The following KLC3 variants were observed in gnomAD, a reference collection of about 807,000 sequenced individuals.
KLC3 encodes the protein kinesin light chain 2.
KLC3 carries 72 observed loss-of-function variants against 62.9 expected under a neutral mutation model. The observed-to-expected ratio is 1.15, with a 90% CI of 0.95 to 1.39. The LOEUF (loss-of-function observed/expected upper bound fraction) is 1.39. Ranked by LOEUF, KLC3 falls within the 40% of genes most tolerant of loss-of-function variation. The probability of loss-of-function intolerance (pLI) is 0.00; values close to 1 mark genes in which losing one functional copy is unlikely to be tolerated. For missense variants in KLC3, 848 were observed against 691.6 expected, an observed-to-expected ratio of 1.23 and a Z score of -2.54; for synonymous variants, 377 against 300.5, an observed-to-expected ratio of 1.25 and a Z score of -2.63.
rs755255316 is a variant in KLC3, at chr19:45,348,932, C to T, written c.969+11C>T. The T allele has an allele frequency of 7.7e-6, 12 of 1,562,516 alleles. No homozygotes were observed. The Admixed American group carries it at 1.9e-4, about 25-fold the overall frequency. ...GAGATCCGAGAGAAGGTCCCATCCCCCTCACCCCACCCCGAGGAACCCCTT... is the reference window on the plus strand; with the variant it reads ...GAGATCCGAGAGAAGGTCCCATCCCTCTCACCCCACCCCGAGGAACCCCTT... On this transcript the variant is annotated intron_variant, in intron 7 of 12. Transcript: ENST00000391946.
intron 7 of KLC3, 49 bp from the exon 8 acceptor site, chr19:45,349,380 T>C: frequency 6.5e-7 from 1 of 1,541,378 alleles, no homozygotes; most frequent in Non-Finnish European, 8.8e-7. Flanking sequence ...ATGTCACGTG[T>C]CCCACCAATC....
At position 45,348,709 on chromosome 19, in the gene KLC3, G is replaced by A. The variant is rs368244691; in HGVS notation, c.843G>A (p.Gln281=). ...LLHDALQIRE[Q]TLGPEHPAVA... ...ATGATGCCCTGCAGATCCGGGAGCA[G>A]ACGCTGGGCCCTGAGCACCCCGCGG... The change falls in exon 6 of 13, where the codon CAG becomes CAA. Residue 281 remains glutamine (Q), a synonymous_variant. Transcript: ENST00000391946. 7 of 1,595,158 alleles carry A rather than the reference G, an allele frequency of 4.4e-6. No individual in the cohort carries two copies. The highest frequency in any genetic ancestry group is 5.1e-6 in the Non-Finnish European group (6 of 1,171,156).
intron 5 of KLC3, 97 bp downstream of exon 5, chr19:45,348,257 C>T (rs1409506074): frequency 5.2e-6 from 6 of 1,162,382 alleles, no homozygotes; most frequent in South Asian, 1.5e-5. Flanking sequence ...CACCATGGAG[C>T]ACCTAGGGAG....
intron 1 of KLC3, among the ~76,000 whole-genome samples, chr19:45,341,503 A>C (rs548776473): frequency 6.7e-6 from 1 of 148,818 alleles, no homozygotes; most frequent in East Asian, 2.0e-4. Context: ...TTGTAGGATT[A>C]GGTGTGATTG....
rs779914734 is a variant in KLC3, at chr19:45,347,549, GCAGGC to G, written c.559+38_559+42del. ...TTGGGAGTACATGCCACAGAGGATGGCAGGCCAGGGTGGGGAGGGGGCTCTGAGCT... is the reference window on the plus strand; with the variant it reads ...TTGGGAGTACATGCCACAGAGGATGGCAGGGTGGGGAGGGGGCTCTGAGCT... On this transcript the variant is annotated intron_variant, in intron 4 of 12. Coordinates refer to ENST00000391946, the MANE Select transcript of KLC3 (RefSeq NM_177417.3). 3.8e-5 allele frequency: 60 copies of G among 1,574,376 alleles called. No individual in the cohort carries two copies. The South Asian group carries it at 6.6e-4, about 17-fold the overall frequency.
At chr19:45,341,099 G>T (rs1971383577) in intron 1 of KLC3, among the ~76,000 whole-genome samples, 1 of 152,156 alleles carries the variant, frequency 6.6e-6, no homozygotes, top group Non-Finnish European at 1.5e-5. Flanking sequence ...CTGCGGGTGA[G>T]CCTGGTGCGC....
intron 1 of KLC3, among the ~76,000 whole-genome samples, chr19:45,341,104 G>C (rs1971383677): frequency 6.6e-6 from 1 of 152,034 alleles, no homozygotes; most frequent in East Asian, 2.0e-4. Context: ...GGTGAGCCTG[G>C]TGCGCGGGGC....
In KLC3 at chr19:45,348,914, G is replaced by C; in HGVS notation, c.962G>C (p.Arg321Pro). 2 of 1,578,166 alleles carry C rather than the reference G, an allele frequency of 1.3e-6. No individual in the cohort carries two copies. The highest frequency in any genetic ancestry group is 1.7e-6 in the Non-Finnish European group (2 of 1,161,932). The part of the protein sequence containing the change: ...EPLCQRALEI[R>P]EKVLGADHPD... Reference sequence around the variant, plus strand: ...CTGTGCCAGCGCGCTTTGGAGATCCGAGAGAAGGTCCCATCCCCCTCACCC... The same window carrying C: ...CTGTGCCAGCGCGCTTTGGAGATCCCAGAGAAGGTCCCATCCCCCTCACCC... The change falls in exon 7 of 13, where the codon CGA becomes CCA. Residue 321 changes from arginine (R) to proline (P), a missense_variant. Physicochemically the swap from Arg to Pro is moderately radical, Grantham distance 103 (BLOSUM62 -2). Coordinates refer to ENST00000391946, the MANE Select transcript of KLC3 (RefSeq NM_177417.3).
chr19:45,351,037 C>T lies in KLC3; in HGVS notation c.1443+20C>T, dbSNP rs763477877. 2.5e-6 allele frequency: 4 copies of T among 1,613,688 alleles called. No homozygotes were observed. Among genetic ancestry groups the T allele is most frequent in the South Asian group, 2.2e-5 (2 of 91,070 alleles). On this transcript the variant is annotated intron_variant, in intron 12 of 12. Transcript: ENST00000391946. ...ACTCAGGTGAGGGGGACATCTGGGT[C>T]AAAAATAGAGGAGGCCATGTGGGTA...
At position 45,348,171 on chromosome 19, in the gene KLC3, C is replaced by A. The variant is rs751093835; in HGVS notation, c.779+11C>A. The A allele has an allele frequency of 6.4e-7, 1 of 1,562,650 alleles. No individual in the cohort carries two copies. The highest frequency in any genetic ancestry group is 8.7e-7 in the Non-Finnish European group (1 of 1,149,646). On this transcript the variant is annotated intron_variant, in intron 5 of 12. Coordinates refer to ENST00000391946, the MANE Select transcript of KLC3 (RefSeq NM_177417.3). ...GGCGCTGGTGTACCGGTGAGCACTGCGGCCAGCCATGGCTGGGGGCAGGAA... is the reference window on the plus strand; with the variant it reads ...GGCGCTGGTGTACCGGTGAGCACTGAGGCCAGCCATGGCTGGGGGCAGGAA...
At chr19:45,341,578 T>TGTGTGTGTGTGTGTGTGTGC in intron 1 of KLC3, among the ~76,000 whole-genome samples, 13 of 139,900 alleles carry the variant, frequency 9.3e-5, no homozygotes, top group African/African-American at 2.9e-4. Context: ...TGTGTGTGTG[T>TGTGTGTGTGTGTGTGTGTGC]GCGCGCGCGC....
At chr19:45,349,764 C>T (rs1423840859) in intron 8 of KLC3, 162 bp downstream of exon 8, 6 of 675,968 alleles carry the variant, frequency 8.9e-6, no homozygotes, top group South Asian at 6.6e-5. Flanking sequence ...CAGCACAGAA[C>T]ACGGAATCAG....
intron 8 of KLC3, chr19:45,349,835 G>GAT (rs1568526169): frequency 5.5e-6 from 3 of 541,314 alleles, no homozygotes; most frequent in Non-Finnish European, 6.5e-6. Flanking sequence ...GGCAGGCACA[G>GAT]GTGGCAGCAG....
chr19:45,346,429 G>C, intron 2 of KLC3, 115 bp from the exon 3 acceptor site: 1 of 871,730 alleles, frequency 1.1e-6, no homozygotes, highest in Non-Finnish European at 1.7e-6. Context: ...TGCAGAATCT[G>C]GGGGTGTCGT....
rs1375584029 is a variant in KLC3 at position 45,350,364 on chromosome 19, C to G, written c.1167C>G (p.Asn389Lys). ...NNLASAYLKQ[N>K]KYQQAEELYK... Reference sequence around the variant, plus strand: ...AGGCCTCAGCCTACCTGAAACAGAACAAGTATCAACAAGCGGAAGAGCTGT... The same window carrying G: ...AGGCCTCAGCCTACCTGAAACAGAAGAAGTATCAACAAGCGGAAGAGCTGT... Residue 389 changes from asparagine to lysine, a missense_variant, in exon 9 of 13, where the codon AAC becomes AAG. Coordinates refer to ENST00000391946, the MANE Select transcript of KLC3 (RefSeq NM_177417.3). The G allele has an allele frequency of 4.3e-6, 7 of 1,613,404 alleles. No individual in the cohort carries two copies. In the Admixed American group the frequency reaches 6.7e-5, roughly 15 times the overall value.
rs1971706326 is a variant in KLC3, at chr19:45,350,731, G to GC, written c.1364dup (p.Ala456GlyfsTer?). On this transcript the variant is annotated frameshift_variant, in exon 11 of 13. Coordinates refer to ENST00000391946, the MANE Select transcript of KLC3 (RefSeq NM_177417.3). LOFTEE classifies it high-confidence loss of function. Reference sequence around the variant, plus strand: ...GGTCTCCCGGCTCCGAGGCGAGGCGGCGGCAGGAGCAGCCGGGTGAGTGTT... The same window carrying GC: ...GGTCTCCCGGCTCCGAGGCGAGGCGGCCGGCAGGAGCAGCCGGGTGAGTGTT... The GC allele has an allele frequency of 1.2e-6, 2 of 1,612,354 alleles. No individual in the cohort carries two copies. The highest frequency in any genetic ancestry group is 1.7e-6 in the Non-Finnish European group (2 of 1,179,496).
chr19:45,345,775 C>T lies in KLC3; in HGVS notation c.234C>T (p.Ile78=), dbSNP rs974260494. 3.2e-6 allele frequency: 5 copies of T among 1,550,170 alleles called. No individual in the cohort carries two copies. The highest frequency in any genetic ancestry group is 2.0e-5 in the Admixed American group (1 of 50,908). Residue 78 remains isoleucine (I), a synonymous_variant, in exon 2 of 13, where the codon ATC becomes ATT. Transcript: ENST00000391946. ...QQVVSHSLEA[I]ELGLGEAQVL... ...TGGTGAGCCACTCGCTGGAGGCCAT[C>T]GAGCTGGGGCTGGGCGAGGCCCAGG...
chr19:45,350,582 GTGGGCGTGGGGACTGCA>G (rs755181966), intron 10 of KLC3, 31 bp downstream of exon 10: 6 of 1,613,896 alleles, frequency 3.7e-6, no homozygotes, highest in Non-Finnish European at 4.2e-6. Flanking sequence ...GGCTCCTGGG[GTGGGCGTGGGGACTGCA>G]TGGGCCTGGG....
Position 45,346,696 on chromosome 19 carries a change from G to A in KLC3, c.411G>A (p.Val137=). 6.4e-7 allele frequency: 1 copy of A among 1,571,436 alleles called. No individual in the cohort carries two copies. Among genetic ancestry groups the A allele is most frequent in the Non-Finnish European group, 8.6e-7 (1 of 1,160,098 alleles). The change falls in exon 3 of 13, where the codon GTG becomes GTA. Residue 137 remains valine (V), a synonymous_variant. Coordinates refer to ENST00000391946, the MANE Select transcript of KLC3 (RefSeq NM_177417.3). The part of the protein sequence containing the change: ...QRRLRASEES[V]AQLEEEKRHL... ...GGCTTCGGGCCAGCGAGGAGTCCGT[G>A]GCCCAGCTGGAGGAGGAGAAGCGCC...
Sources: allele counts gnomAD v4.1 joint callset (sites outside exome capture counted in the v4.1 genomes callset), GRCh38; gene constraint gnomAD v4.1.1; transcripts MANE v1.5; gene names NCBI Gene and HGNC (gene_info 2026-07-23, HGNC 2026-07-21).